The following EYS variants were observed in gnomAD, a reference collection of about 807,000 sequenced individuals.
EYS encodes protein eyes shut homolog.
A neutral mutation model predicts 282.1 loss-of-function variants in EYS; 250 were observed. That is an observed-to-expected ratio of 0.89 (90% CI 0.80 to 0.98). The LOEUF is 0.98. Among genes scored for constraint, EYS ranks in the 50% least tolerant of loss-of-function variants. The pLI is 0.00. For synonymous variants in EYS, 1,355 were observed against 1,282.9 expected (o/e 1.06, Z -1.20); for missense variants, 4,016 against 3,709.0 (o/e 1.08, Z -2.15).
intron 22 of EYS, among the ~76,000 whole-genome samples, chr6:64,800,572 T>A (rs1428914687): frequency 1.3e-5 from 2 of 151,872 alleles, no homozygotes; most frequent in Non-Finnish European, 2.9e-5. Flanking sequence ...GGAAGCTTTT[T>A]TTTTTTTTAA....
At chr6:65,124,003 A>AATCTC (rs3036010) in intron 12 of EYS, among the ~76,000 whole-genome samples, 53,118 of 151,302 alleles carry the variant, frequency 0.35, 10,933 homozygotes, top group African/African-American at 0.58. Context: ...ATCATGGTGA[A>AATCTC]ATCTCTACGA....
At chr6:63,975,707 T>C (rs1437773497) in intron 35 of EYS, among the ~76,000 whole-genome samples, 1 of 152,004 alleles carries the variant, frequency 6.6e-6, no homozygotes, top group Non-Finnish European at 1.5e-5. Flanking sequence ...ATTCAAAACT[T>C]AGTAATAATA....
chr6:65,633,904 G>T (rs540350158), intron 2 of EYS, among the ~76,000 whole-genome samples: 2 of 152,324 alleles, frequency 1.3e-5, no homozygotes, highest in East Asian at 3.9e-4. Context: ...AGGTCACATG[G>T]TCCCAAAGTC....
chr6:64,035,401 C>T (rs1018790394), intron 33 of EYS, among the ~76,000 whole-genome samples: 1 of 152,118 alleles, frequency 6.6e-6, no homozygotes, highest in African/African-American at 2.4e-5. Flanking sequence ...ATCTATGACT[C>T]ATAGGGAGGA....
At chr6:63,953,541 C>G (rs376748050) in intron 35 of EYS, among the ~76,000 whole-genome samples, 1 of 152,168 alleles carries the variant, frequency 6.6e-6, no homozygotes, top group South Asian at 2.1e-4. Flanking sequence ...CTCCAAAACC[C>G]CAACCCTTTC....
chr6:65,318,525 A>C (rs1414758238), intron 11 of EYS, among the ~76,000 whole-genome samples: 2 of 146,718 alleles, frequency 1.4e-5, no homozygotes, highest in Non-Finnish European at 3.0e-5. Flanking sequence ...GATCCTGGTT[A>C]TATACATATT....
chr6:64,269,891 T>C (rs1767883668), intron 30 of EYS, among the ~76,000 whole-genome samples: 1 of 152,066 alleles, frequency 6.6e-6, no homozygotes, highest in African/African-American at 2.4e-5. Context: ...ACAACAAACA[T>C]ATTTTGACTT....
intron 2 of EYS, among the ~76,000 whole-genome samples, chr6:65,504,258 A>G (rs2127280071): frequency 6.6e-6 from 1 of 151,822 alleles, no homozygotes; most frequent in South Asian, 2.1e-4. Context: ...CATTGCTGTT[A>G]CAGGGGAAAG....
chr6:64,927,683 G>T (rs1347383553), intron 15 of EYS, among the ~76,000 whole-genome samples: 1 of 152,012 alleles, frequency 6.6e-6, no homozygotes, highest in Admixed American at 6.6e-5. Flanking sequence ...CATGTCATTT[G>T]AAAAGCCAAC....
At chr6:64,311,272 G>A (rs1769689272) in intron 29 of EYS, among the ~76,000 whole-genome samples, 1 of 151,338 alleles carries the variant, frequency 6.6e-6, no homozygotes, top group Non-Finnish European at 1.5e-5. Flanking sequence ...GTAATAGAAG[G>A]GAAACAAAGA....
chr6:64,276,653 G>T (rs556510153), intron 30 of EYS, among the ~76,000 whole-genome samples: 1 of 152,220 alleles, frequency 6.6e-6, no homozygotes, highest in South Asian at 2.1e-4. Context: ...CTTTCAAAAA[G>T]TCAGTAATGG....
chr6:64,625,653 A>G (rs1355427612), intron 23 of EYS, among the ~76,000 whole-genome samples: 1 of 152,226 alleles, frequency 6.6e-6, no homozygotes, highest in Non-Finnish European at 1.5e-5. Flanking sequence ...GGTTCAACAC[A>G]TGAATTTCAG....
At chr6:63,743,572 G>T (rs1194184661) in intron 41 of EYS, among the ~76,000 whole-genome samples, 4 of 152,286 alleles carry the variant, frequency 2.6e-5, no homozygotes, top group South Asian at 2.1e-4. Context: ...CATTCAAGTT[G>T]TCAGATGGAA....
chr6:64,379,164 C>T (rs1407903725), intron 29 of EYS, among the ~76,000 whole-genome samples: 1 of 152,044 alleles, frequency 6.6e-6, no homozygotes, highest in Non-Finnish European at 1.5e-5. Flanking sequence ...AGATCATTCA[C>T]CTGGGGTTTC....
intron 29 of EYS, among the ~76,000 whole-genome samples, chr6:64,316,489 A>G (rs1248220077): frequency 6.6e-6 from 1 of 152,184 alleles, no homozygotes. Context: ...TAAAATACCT[A>G]GGAATACAAC....
At chr6:64,968,960 C>T (rs1770197467) in intron 14 of EYS, among the ~76,000 whole-genome samples, 1 of 152,152 alleles carries the variant, frequency 6.6e-6, no homozygotes, top group Non-Finnish European at 1.5e-5. Flanking sequence ...ATGAGGTACC[C>T]CAGCTCAAGC....
Position 65,402,599 on chromosome 6 carries a change from T to C in EYS, c.1063A>G (p.Met355Val). ...TDCIKISNDV[M>V]CICSPIFTDL... ...GTAAATATTGGTGAACAGATGCACA[T>C]AACATCCTAGGAAAGATTAAAAAAA... is the stretch of plus-strand genomic sequence containing the variant. The change falls in exon 7 of 43, where the codon ATG becomes GTG. Residue 355 changes from methionine (M) to valine (V), a missense_variant. By Grantham distance (21) the Met-to-Val change is conservative. Coordinates refer to ENST00000503581, the MANE Select transcript of EYS (RefSeq NM_001142800.2). 6.4e-7 allele frequency: 1 copy of C among 1,573,936 alleles called. No homozygotes were observed. Among genetic ancestry groups the C allele is most frequent in the African/African-American group, 1.4e-5 (1 of 74,050 alleles).
chr6:63,959,636 G>T (rs1765968411), intron 35 of EYS, among the ~76,000 whole-genome samples: 1 of 152,166 alleles, frequency 6.6e-6, no homozygotes, highest in African/African-American at 2.4e-5. Flanking sequence ...TGATATACTG[G>T]ATAAAGGAAA....
intron 11 of EYS, chr6:65,301,074 A>T (rs1382382613): frequency 6.6e-6 from 1 of 152,218 alleles, no homozygotes; most frequent in Non-Finnish European, 1.5e-5. Context: ...CTGTCTTTCG[A>T]GTATTCGGCT....
Sources: gnomAD v4.1 joint callset for allele counts (sites outside exome capture counted in the v4.1 genomes callset) on GRCh38, gnomAD v4.1.1 for gene constraint, MANE v1.5 for transcripts, NCBI Gene and HGNC (gene_info 2026-07-23, HGNC 2026-07-21) for gene names.